PRG3: variants seen among roughly 807,000 people sequenced by gnomAD.
PRG3 encodes the protein proteoglycan 3, pro eosinophil major basic protein 2, also known as proteoglycan 3.
In PRG3, 25 loss-of-function variants were observed where a neutral mutation model predicts 26.1. The ratio of observed to expected loss-of-function variants is 0.96; its 90% CI spans 0.70 to 1.34. The LOEUF is 1.34. PRG3 is among the 40% of genes most tolerant of loss of function. The probability of loss-of-function intolerance (pLI) is 0.00; values close to 1 mark genes in which losing one functional copy is unlikely to be tolerated. For synonymous variants in PRG3, 111 were observed against 100.4 expected, an observed-to-expected ratio of 1.11 and a Z score of -0.63; for missense variants, 280 against 264.8, an observed-to-expected ratio of 1.06 and a Z score of -0.40.
In PRG3 at chr11:57,378,809, C is replaced by T. The variant is rs376890702; in HGVS notation, c.379G>A (p.Val127Ile). ...TTGCCTCCGTAGCATCTGCTGCAGA[C>T]ATTCTGCAGACGGAAACAAAGTAGA... ...TPKTFAEAQN[V>I]CSRCYGGNLV... The change falls in exon 4 of 6, where the codon GTC becomes ATC. Residue 127 changes from valine (V) to isoleucine (I), a missense_variant. Val to Ile is a conservative substitution (Grantham distance 29, BLOSUM62 3). Coordinates refer to ENST00000287143, the MANE Select transcript of PRG3 (RefSeq NM_006093.4). 7 of 1,613,592 alleles carry T rather than the reference C, an allele frequency of 4.3e-6. No homozygotes were observed. The African/African-American group carries it at 6.7e-5, about 15-fold the overall frequency.
At chr11:57,378,615 C>T (rs1414461353) in intron 4 of PRG3, 66 bp downstream of exon 4, 4 of 1,581,608 alleles carry the variant, frequency 2.5e-6, no homozygotes, top group Non-Finnish European at 3.5e-6. Flanking sequence ...GGCTTGGCAC[C>T]ATCAGATGCT....
intron 4 of PRG3, among the ~76,000 whole-genome samples, 155 bp downstream of exon 4, chr11:57,378,526 C>G (rs1385507865): frequency 6.6e-6 from 1 of 152,230 alleles, no homozygotes; most frequent in East Asian, 1.9e-4. Context: ...TGTGCACCAT[C>G]AGTTCTCCTG....
At chr11:57,377,377 T>C (rs1262935004) in intron 5 of PRG3, among the ~76,000 whole-genome samples, 1 of 152,158 alleles carries the variant, frequency 6.6e-6, no homozygotes, top group Non-Finnish European at 1.5e-5. Context: ...CTCTCAGCCA[T>C]CCCTAATTCC....
chr11:57,379,074 C>T (rs1856972727), intron 3 of PRG3, among the ~76,000 whole-genome samples: 1 of 152,198 alleles, frequency 6.6e-6, no homozygotes, highest in Non-Finnish European at 1.5e-5. Context: ...TCATTTAATG[C>T]TCACCACAAC....
At chr11:57,378,130 C>T (rs150671800) in intron 4 of PRG3, among the ~76,000 whole-genome samples, 2 of 152,302 alleles carry the variant, frequency 1.3e-5, no homozygotes, top group African/African-American at 4.8e-5. Flanking sequence ...TTCTAACAAG[C>T]TCCCAGGGGA....
intron 5 of PRG3, among the ~76,000 whole-genome samples, chr11:57,377,287 A>G (rs1565078630): frequency 6.6e-6 from 1 of 152,140 alleles, no homozygotes. Flanking sequence ...TCTAGCACAT[A>G]TGGTCTCAGC....
Position 57,376,813 on chromosome 11 carries a change from G to T in PRG3, c.*37C>A. ...TTATGAGCAGGAGAGGTTGGGGGAC[G>T]GGAGGGAGCTGCTGGCAGGGTCTCC... On this transcript the variant is annotated 3_prime_UTR_variant, in exon 6 of 6. Coordinates refer to ENST00000287143, the MANE Select transcript of PRG3 (RefSeq NM_006093.4). The T allele has an allele frequency of 6.2e-7, 1 of 1,605,500 alleles. No homozygotes were observed. The highest frequency in any genetic ancestry group is 8.5e-7 in the Non-Finnish European group (1 of 1,173,898).
In PRG3 at chr11:57,377,832, A is replaced by G. The variant is rs763471747; in HGVS notation, c.512T>C (p.Leu171Pro). The change falls in exon 5 of 6, where the codon CTG becomes CCG. Residue 171 changes from leucine to proline, a missense_variant. Coordinates refer to ENST00000287143, the MANE Select transcript of PRG3 (RefSeq NM_006093.4). ...ATCAGTCCAGCAAAACCGCTTCCAC[A>G]GGAACTAGAGAAGTGACAGGCTAGG... ...WIGGNLRGWF[L>P]WKRFCWTDGS... 1.2e-6 allele frequency: 2 copies of G among 1,612,380 alleles called. No individual in the cohort carries two copies. The highest frequency in any genetic ancestry group is 1.7e-4 in the Middle Eastern group (1 of 6,058).
At chr11:57,380,566 G>A (rs1241982907) in intron 2 of PRG3, 82 bp downstream of exon 2, 2 of 1,282,932 alleles carry the variant, frequency 1.6e-6, no homozygotes, top group Non-Finnish European at 2.1e-6. Context: ...GGCCTCATGA[G>A]TGCAAATAAA....
At chr11:57,377,662 G>A in intron 5 of PRG3, 63 bp downstream of exon 5, 1 of 1,365,062 alleles carries the variant, frequency 7.3e-7, no homozygotes, top group South Asian at 1.2e-5. Flanking sequence ...GCAGCTCAAA[G>A]GGGTAGTATT....
At position 57,379,654 on chromosome 11, in the gene PRG3, T is replaced by C; in HGVS notation, c.215A>G (p.Asn72Ser). The C allele has an allele frequency of 2.5e-6, 4 of 1,613,980 alleles. No individual in the cohort carries two copies. The highest frequency in any genetic ancestry group is 3.4e-6 in the Non-Finnish European group (4 of 1,180,036). Residue 72 changes from asparagine (N) to serine (S), a missense_variant, in exon 3 of 6, where the codon AAC (asparagine) becomes AGC (serine). Transcript: ENST00000287143. ...EEVKASACQD[N>S]FEDEEAMESD... ...CTCCATGGCTTCCTCATCCTCAAAG[T>C]TGTCTTGACAGGCAGAAGCCTTGAC...
Position 57,380,798 on chromosome 11 carries a change from AG to A in PRG3, c.-73-18del. The A allele has an allele frequency of 1.1e-6, 1 of 896,642 alleles. No homozygotes were observed. The highest frequency in any genetic ancestry group is 1.6e-6 in the Non-Finnish European group (1 of 619,534). 55.5% of individuals were successfully genotyped at this position (896,642 alleles called of 1,614,324 possible). ...GTATAGCCCCTGGCACATAGTATAG[AG>A]GGAATATTTGTTTAATTGTTTGATT... On this transcript the variant is annotated intron_variant, in intron 1 of 5. Coordinates refer to ENST00000287143, the MANE Select transcript of PRG3 (RefSeq NM_006093.4).
At chr11:57,380,238 A>G (rs567537251) in intron 2 of PRG3, among the ~76,000 whole-genome samples, 1 of 152,224 alleles carries the variant, frequency 6.6e-6, no homozygotes, top group East Asian at 1.9e-4. Context: ...CATCTCTACT[A>G]AAAATACAAA....
rs540687 is a variant in PRG3 at position 57,379,543 on chromosome 11, A to G, written c.326T>C (p.Ile109Thr). 0.99 allele frequency: 1,601,983 copies of G among 1,613,830 alleles called. 795,852 individuals carry two copies. The highest frequency in any genetic ancestry group is 1 in the Non-Finnish European group (1,179,767 of 1,180,016). ...VEVQGSPRCK[I>T]CRYLLVRTPK... Reference sequence around the variant, plus strand: ...AGTCCGCACCAATAGGTAGCGGCAGATCTTGCACCTTGGACTTCCCTGCAC... The same window carrying G: ...AGTCCGCACCAATAGGTAGCGGCAGGTCTTGCACCTTGGACTTCCCTGCAC... The change falls in exon 3 of 6, where the codon ATC (isoleucine) becomes ACC (threonine). Residue 109 changes from isoleucine to threonine, a missense_variant. Coordinates refer to ENST00000287143, the MANE Select transcript of PRG3 (RefSeq NM_006093.4).
Position 57,379,712 on chromosome 11 carries a change from T to A in PRG3, c.157A>T (p.Thr53Ser), listed in dbSNP as rs1856979871. The change falls in exon 3 of 6, where the codon ACG (threonine) becomes TCG (serine). Residue 53 changes from threonine (T) to serine (S), a missense_variant. Thr to Ser is a moderately conservative substitution (Grantham distance 58). Coordinates refer to ENST00000287143, the MANE Select transcript of PRG3 (RefSeq NM_006093.4). ...SKEQERDLAL[T>S]EEVIQAEGEE... ...CCCTCTGCCTGAATCACCTCCTCCG[T>A]CAGAGCCAAGTCTCTCTCCTGCTCC... The A allele has an allele frequency of 6.2e-7, 1 of 1,613,978 alleles. No homozygotes were observed. The highest frequency in any genetic ancestry group is 2.2e-5 in the East Asian group (1 of 44,878).
Position 57,376,831 on chromosome 11 carries a change from G to C in PRG3, c.*19C>G, listed in dbSNP as rs756711294. On this transcript the variant is annotated 3_prime_UTR_variant, in exon 6 of 6. Coordinates refer to ENST00000287143, the MANE Select transcript of PRG3 (RefSeq NM_006093.4). ...GGGGGACGGGAGGGAGCTGCTGGCA[G>C]GGTCTCCGTGCCGCTGGCTTAGAAG... The C allele has an allele frequency of 4.3e-5, 70 of 1,612,202 alleles. No individual in the cohort carries two copies. In the South Asian group the frequency reaches 7.7e-4, roughly 18 times the overall value.
chr11:57,378,343 T>G (rs894877462), intron 4 of PRG3, among the ~76,000 whole-genome samples: 1 of 151,654 alleles, frequency 6.6e-6, no homozygotes, highest in Admixed American at 6.6e-5. Context: ...GTCTCATGAC[T>G]CCAGTGGTAT....
intron 3 of PRG3, 111 bp from the exon 4 acceptor site, chr11:57,378,923 C>T (rs1435644730): frequency 1.9e-5 from 24 of 1,256,690 alleles, no homozygotes; most frequent in Non-Finnish European, 2.7e-5. Flanking sequence ...TACTTGCCTC[C>T]CTTAATCCTA....
At chr11:57,377,334 GC>G (rs1366989917) in intron 5 of PRG3, among the ~76,000 whole-genome samples, 2 of 152,264 alleles carry the variant, frequency 1.3e-5, no homozygotes, top group South Asian at 2.1e-4. Flanking sequence ...CCATGCTGCT[GC>G]CCATGTCTGC....
Sources: gnomAD v4.1 joint callset for allele counts (sites outside exome capture counted in the v4.1 genomes callset) on GRCh38, gnomAD v4.1.1 for gene constraint, MANE v1.5 for transcripts, NCBI Gene and HGNC (gene_info 2026-07-23, HGNC 2026-07-21) for gene names.